The following SKIL variants were observed in gnomAD, a reference collection of about 807,000 sequenced individuals.
SKIL encodes SKI like proto-oncogene.
A neutral mutation model predicts 69.6 loss-of-function variants in SKIL; 20 were observed. That is an observed-to-expected ratio of 0.29 (90% CI 0.20 to 0.42). SKIL has a LOEUF of 0.42. Among genes scored for constraint, SKIL ranks in the 10% least tolerant of loss-of-function variants. SKIL has a pLI of 1.00. For missense variants in SKIL, 745 were observed against 783.1 expected (o/e 0.95, Z 0.58); for synonymous variants, 310 against 279.9 (o/e 1.11, Z -1.08).
intron 2 of SKIL, among the ~76,000 whole-genome samples, chr3:170,370,296 G>T (rs1193922574): frequency 6.6e-6 from 1 of 151,974 alleles, no homozygotes; most frequent in Non-Finnish European, 1.5e-5. Context: ...ATTATATTAG[G>T]CAGAAAGAAT....
chr3:170,363,744 C>CA (rs1736354206), intron 2 of SKIL, among the ~76,000 whole-genome samples: 1 of 152,270 alleles, frequency 6.6e-6, no homozygotes, highest in Admixed American at 6.5e-5. Context: ...CTTGGCTTCT[C>CA]AAAGTGCTGG....
At chr3:170,382,788 G>T (rs995494028) in intron 3 of SKIL, among the ~76,000 whole-genome samples, 1 of 146,138 alleles carries the variant, frequency 6.8e-6, no homozygotes, top group Non-Finnish European at 1.5e-5. Flanking sequence ...GTATGATCTC[G>T]GCTCACTGCA....
chr3:170,358,431 T>C (rs2108887781), intron 1 of SKIL: 1 of 152,546 alleles, frequency 6.6e-6, no homozygotes, highest in South Asian at 2.1e-4. Flanking sequence ...CCCCCAGGCT[T>C]CCCGTGTCCC....
intron 2 of SKIL, among the ~76,000 whole-genome samples, chr3:170,371,346 A>T (rs147894033): frequency 6.6e-6 from 1 of 151,868 alleles, no homozygotes; most frequent in Non-Finnish European, 1.5e-5. Flanking sequence ...ACTAAAAATA[A>T]TAATAAAAAA....
At chr3:170,372,988 ATT>A (rs34211986) in intron 2 of SKIL, among the ~76,000 whole-genome samples, 5 of 134,158 alleles carry the variant, frequency 3.7e-5, no homozygotes, top group African/African-American at 5.6e-5. Flanking sequence ...ATAATTTTCA[ATT>A]TTTTTTTTTT....
chr3:170,381,368 GTTCA>G (rs1737334337), intron 3 of SKIL, 27 bp downstream of exon 3: 4 of 1,073,148 alleles, frequency 3.7e-6, no homozygotes, highest in African/African-American at 3.1e-5. Context: ...TTGTTCGTTT[GTTCA>G]TTCATTTCTT....
At position 170,390,444 on chromosome 3, in the gene SKIL, A is replaced by C; in HGVS notation, c.1651A>C (p.Lys551Gln). The change falls in exon 5 of 7, where the codon AAG (lysine) becomes CAG (glutamine). Residue 551 changes from lysine to glutamine, a missense_variant. Coordinates refer to ENST00000259119, the MANE Select transcript of SKIL (RefSeq NM_005414.5). ...QQEKLNLILQ[K>Q]KQQLQMEVKM... ...GGAAAAACTAAACTTGATTTTGCAA[A>C]AGAAGCAACAACTTCAGATGGTAAA... The C allele has an allele frequency of 6.2e-7, 1 of 1,610,590 alleles. No individual in the cohort carries two copies. Among genetic ancestry groups the C allele is most frequent in the Non-Finnish European group, 8.5e-7 (1 of 1,177,000 alleles).
At position 170,361,227 on chromosome 3, in the gene SKIL, C is replaced by T; in HGVS notation, c.896C>T (p.Ala299Val). ...IQCLECCGMF[A>V]PQTFVMHSHR... Reference sequence around the variant, plus strand: ...TGTCTGGAGTGTTGTGGAATGTTTGCACCCCAGACGTTTGTGATGCATTCT... The same window carrying T: ...TGTCTGGAGTGTTGTGGAATGTTTGTACCCCAGACGTTTGTGATGCATTCT... Residue 299 changes from alanine (A) to valine (V), a missense_variant, in exon 2 of 7, where the codon GCA (alanine) becomes GTA (valine). Transcript: ENST00000259119. The T allele has an allele frequency of 6.2e-7, 1 of 1,614,086 alleles. No individual in the cohort carries two copies. The highest frequency in any genetic ancestry group is 8.5e-7 in the Non-Finnish European group (1 of 1,179,990).
chr3:170,362,333 T>A (rs562674055), intron 2 of SKIL, among the ~76,000 whole-genome samples: 1 of 151,904 alleles, frequency 6.6e-6, no homozygotes, highest in East Asian at 1.9e-4. Flanking sequence ...TGAAATCCCA[T>A]CTCTACTAAA....
At position 170,390,403 on chromosome 3, in the gene SKIL, C is replaced by A; in HGVS notation, c.1610C>A (p.Thr537Asn). The A allele has an allele frequency of 6.2e-7, 1 of 1,612,774 alleles. No homozygotes were observed. The highest frequency in any genetic ancestry group is 8.5e-7 in the Non-Finnish European group (1 of 1,178,802). ...KGKIMEEVMRTYLKQQEKLNL... is the reference protein window; with the variant it reads ...KGKIMEEVMRNYLKQQEKLNL... ...AAAATCATGGAAGAAGTAATGAGAACTTATTTAAAACAACAGGAAAAACTA... is the reference window on the plus strand; with the variant it reads ...AAAATCATGGAAGAAGTAATGAGAAATTATTTAAAACAACAGGAAAAACTA... Residue 537 changes from threonine (T) to asparagine (N), a missense_variant, in exon 5 of 7, where the codon ACT becomes AAT. Transcript: ENST00000259119.
intron 2 of SKIL, among the ~76,000 whole-genome samples, chr3:170,379,995 A>C (rs1373292661): frequency 1.3e-5 from 2 of 152,152 alleles, no homozygotes; most frequent in African/African-American, 4.8e-5. Flanking sequence ...AATGGTAATG[A>C]TACCTATTTA....
chr3:170,387,786 T>C (rs1272266563), intron 4 of SKIL, among the ~76,000 whole-genome samples: 1 of 72,748 alleles, frequency 1.4e-5, no homozygotes, highest in African/African-American at 3.9e-5. Flanking sequence ...ACAAAAAAAT[T>C]AGCCGGGCGT....
chr3:170,377,469 C>T (rs1339586080), intron 2 of SKIL, among the ~76,000 whole-genome samples: 1 of 134,444 alleles, frequency 7.4e-6, no homozygotes, highest in Non-Finnish European at 1.6e-5. Flanking sequence ...ACTCTTAAAT[C>T]TTTTAAAAAT....
At chr3:170,370,207 C>G (rs962578789) in intron 2 of SKIL, among the ~76,000 whole-genome samples, 4 of 151,990 alleles carry the variant, frequency 2.6e-5, no homozygotes, top group African/African-American at 9.7e-5. Flanking sequence ...CCACTGCACT[C>G]CAGCCTGGGA....
At chr3:170,385,483 G>A (rs952406079) in intron 4 of SKIL, among the ~76,000 whole-genome samples, 1 of 152,076 alleles carries the variant, frequency 6.6e-6, no homozygotes, top group Non-Finnish European at 1.5e-5. Flanking sequence ...TAGAACTCAA[G>A]GAAGCTTAGT....
chr3:170,359,002 T>C (rs1468854026), intron 1 of SKIL, among the ~76,000 whole-genome samples: 1 of 152,222 alleles, frequency 6.6e-6, no homozygotes, highest in African/African-American at 2.4e-5. Context: ...TGTTAACTCC[T>C]ATCTGATTTT....
At position 170,391,128 on chromosome 3, in the gene SKIL, A is replaced by T. The variant is rs1195635042; in HGVS notation, c.1764A>T (p.Glu588Asp). The T allele has an allele frequency of 6.2e-7, 1 of 1,608,896 alleles. No individual in the cohort carries two copies. The highest frequency in any genetic ancestry group is 8.5e-7 in the Non-Finnish European group (1 of 1,175,272). ...LQKELESLQN[E>D]HAQRMEEFYV... ...AAGAGCTTGAATCTTTGCAGAATGA[A>T]CATGCTCAAAGAATGGAAGAATTTT... Residue 588 changes from glutamate (E) to aspartate (D), a missense_variant, in exon 6 of 7, where the codon GAA becomes GAT. Transcript: ENST00000259119.
chr3:170,371,983 T>C lies in SKIL; in HGVS notation c.1099-9261T>C, dbSNP rs530611050. On this transcript the variant is annotated intron_variant, in intron 2 of 6. Transcript: ENST00000259119. ...GGCCAGAATAATCCAGGACTGTAAA[T>C]TGTTAAGCATATATGCTAAAATGAG... Among the ~76,000 whole-genome samples the C allele has an allele frequency of 5.3e-5, 8 of 152,344 alleles. No homozygotes were observed. The East Asian group carries it at 1.5e-3, about 29-fold the overall frequency.
At chr3:170,379,939 G>A (rs958236842) in intron 2 of SKIL, among the ~76,000 whole-genome samples, 6 of 151,982 alleles carry the variant, frequency 3.9e-5, no homozygotes, top group African/African-American at 1.2e-4. Flanking sequence ...CCACTGAACC[G>A]AGCCCCTCTT....
Sources: allele counts gnomAD v4.1 joint callset (sites outside exome capture counted in the v4.1 genomes callset), GRCh38; gene constraint gnomAD v4.1.1; transcripts MANE v1.5; gene names NCBI Gene and HGNC (gene_info 2026-07-23, HGNC 2026-07-21).